The following STK39 variants were observed in gnomAD, a reference collection of about 807,000 sequenced individuals.
STK39 encodes the protein serine/threonine kinase 39, also known as STE20/SPS1-related proline-alanine-rich protein kinase.
STK39 carries 20 observed loss-of-function variants against 77.8 expected under a neutral mutation model. The ratio of observed to expected loss-of-function variants is 0.26; its 90% CI spans 0.18 to 0.37. The LOEUF (loss-of-function observed/expected upper bound fraction) is 0.37, where lower values mean the gene tolerates loss of function less well. Among genes scored for constraint, STK39 ranks in the 10% least tolerant of loss-of-function variants. STK39 has a pLI of 1.00. For missense variants in STK39, 479 were observed against 656.5 expected (o/e 0.73, Z 2.95); for synonymous variants, 246 against 234.1 (o/e 1.05, Z -0.47).
chr2:168,076,927 G>A (rs1686095136), intron 10 of STK39, among the ~76,000 whole-genome samples: 1 of 152,094 alleles, frequency 6.6e-6, no homozygotes, highest in Non-Finnish European at 1.5e-5. Flanking sequence ...AGAACAGATT[G>A]CTCATTTTAA....
intron 16 of STK39, among the ~76,000 whole-genome samples, chr2:167,998,473 T>C (rs910353772): frequency 2.0e-5 from 3 of 152,214 alleles, no homozygotes; most frequent in African/African-American, 7.2e-5. Flanking sequence ...AGTGCTACCT[T>C]AGCCCACACC....
chr2:168,227,946 C>T (rs76796467), intron 1 of STK39, among the ~76,000 whole-genome samples: 58,099 of 151,762 alleles, frequency 0.38, 11,996 homozygotes, highest in Non-Finnish European at 0.48. Flanking sequence ...CGTGAGCCAC[C>T]GCGCCTGGCC....
At position 168,063,549 on chromosome 2, in the gene STK39, C is replaced by A. The variant is rs201012106; in HGVS notation, c.1327G>T (p.Asp443Tyr). ...GCACAAGAAGAAGCTTCTCTGTAGT[C>A]TTCATTAGCATTGGGTGGGCCCTTT... is the stretch of plus-strand genomic sequence containing the variant. The part of the protein sequence containing the change: ...DSQGPPNANE[D>Y]YREASSCAVN... Residue 443 changes from aspartate (D) to tyrosine (Y), a missense_variant, in exon 14 of 18, where the codon GAC (aspartate) becomes TAC (tyrosine). Physicochemically the swap from Asp to Tyr is radical, Grantham distance 160. This residue lies in a region of STK39 where 244 missense variants were observed against 296.8 expected (regional missense o/e 0.82). Transcript: ENST00000355999. 1.3e-4 allele frequency: 217 copies of A among 1,612,982 alleles called. No individual in the cohort carries two copies. Among genetic ancestry groups the A allele is most frequent in the South Asian group, 8.5e-4 (77 of 90,904 alleles).
At chr2:168,237,856 T>G (rs1192390450) in intron 1 of STK39, among the ~76,000 whole-genome samples, 3 of 152,184 alleles carry the variant, frequency 2.0e-5, no homozygotes, top group Non-Finnish European at 4.4e-5. Context: ...AAACCAGCCA[T>G]GACCTGCCAT....
chr2:168,153,641 G>A (rs1027045616), intron 5 of STK39, among the ~76,000 whole-genome samples: 1 of 56,234 alleles, frequency 1.8e-5, no homozygotes, highest in Admixed American at 2.1e-4. Flanking sequence ...ATATGGGGTG[G>A]GGGGGGGTTA....
At chr2:168,242,013 T>G (rs1269541854) in intron 1 of STK39, among the ~76,000 whole-genome samples, 2 of 152,150 alleles carry the variant, frequency 1.3e-5, no homozygotes, top group Non-Finnish European at 2.9e-5. Flanking sequence ...CATCACAAAA[T>G]GTACTATACA....
chr2:168,204,107 G>A lies in STK39; in HGVS notation c.209-22017C>T, dbSNP rs546592219. On this transcript the variant is annotated intron_variant, in intron 1 of 17. Coordinates refer to ENST00000355999, the MANE Select transcript of STK39 (RefSeq NM_013233.3). The stretch of plus-strand genomic sequence containing the variant: ...TTGTGAAAGGCACCAGGTGCTAGCT[G>A]GCAAAGTAGAACAACTACAGGGATT... 2.6e-5 allele frequency among the ~76,000 whole-genome samples: 4 copies of A among 152,348 alleles called. No homozygotes were observed. The South Asian group carries it at 8.3e-4, about 32-fold the overall frequency.
At chr2:168,053,940 A>T (rs577521316) in intron 14 of STK39, among the ~76,000 whole-genome samples, 1 of 152,360 alleles carries the variant, frequency 6.6e-6, no homozygotes, top group African/African-American at 2.4e-5. Flanking sequence ...ATCTGTCAGC[A>T]GCAAATGTAG....
chr2:168,082,201 C>T (rs934276703), intron 10 of STK39, among the ~76,000 whole-genome samples: 8 of 152,168 alleles, frequency 5.3e-5, no homozygotes, highest in African/African-American at 1.9e-4. Flanking sequence ...CCAGGCCCTG[C>T]CTCCTCTACA....
intron 5 of STK39, among the ~76,000 whole-genome samples, chr2:168,153,890 C>A (rs967455490): frequency 6.6e-6 from 1 of 152,144 alleles, no homozygotes; most frequent in African/African-American, 2.4e-5. Context: ...GACTTTCACT[C>A]TGAAATGGCA....
chr2:168,180,653 C>G (rs918807456), intron 2 of STK39, among the ~76,000 whole-genome samples: 2 of 152,152 alleles, frequency 1.3e-5, no homozygotes, highest in African/African-American at 4.8e-5. Context: ...AGAAAGTGAC[C>G]TTGAAAACTG....
At chr2:168,055,218 T>C (rs1685493022) in intron 14 of STK39, among the ~76,000 whole-genome samples, 1 of 152,226 alleles carries the variant, frequency 6.6e-6, no homozygotes, top group South Asian at 2.1e-4. Context: ...CCCTATTTTA[T>C]AGGCTAGAGA....
intron 14 of STK39, among the ~76,000 whole-genome samples, chr2:168,043,956 T>C (rs1031779056): frequency 2.6e-5 from 4 of 152,230 alleles, no homozygotes; most frequent in African/African-American, 9.6e-5. Context: ...ATAATAGATG[T>C]AGGCATTATT....
intron 2 of STK39, among the ~76,000 whole-genome samples, chr2:168,168,455 T>C (rs1688741854): frequency 6.6e-6 from 1 of 152,124 alleles, no homozygotes; most frequent in Admixed American, 6.6e-5. Context: ...AGAAACCTCA[T>C]TTTTGCCATT....
intron 10 of STK39, among the ~76,000 whole-genome samples, chr2:168,080,160 G>T (rs1351598730): frequency 1.3e-5 from 2 of 152,150 alleles, no homozygotes; most frequent in East Asian, 3.9e-4. Context: ...AGGCATTTTG[G>T]CCCTACAGAT....
intron 5 of STK39, among the ~76,000 whole-genome samples, chr2:168,154,419 A>C (rs1688373149): frequency 6.6e-6 from 1 of 152,234 alleles, no homozygotes; most frequent in African/African-American, 2.4e-5. Flanking sequence ...CTGTGTCCTC[A>C]AGTGTACTAC....
At chr2:168,118,966 G>A (rs556171524) in intron 10 of STK39, among the ~76,000 whole-genome samples, 6 of 152,126 alleles carry the variant, frequency 3.9e-5, no homozygotes, top group African/African-American at 7.2e-5. Flanking sequence ...CTCTGTGAAC[G>A]CCTGTCCCTG....
At chr2:168,135,896 C>CT (rs1687820086) in intron 8 of STK39, among the ~76,000 whole-genome samples, 1 of 151,430 alleles carries the variant, frequency 6.6e-6, no homozygotes, top group Admixed American at 6.6e-5. Context: ...AAGATTAATA[C>CT]TTTGTACATC....
chr2:167,974,809 C>T (rs990529366), intron 16 of STK39, among the ~76,000 whole-genome samples: 1 of 152,148 alleles, frequency 6.6e-6, no homozygotes, highest in African/African-American at 2.4e-5. Flanking sequence ...CTCTTGAATA[C>T]AGGTTTCTAA....
Sources: allele counts gnomAD v4.1 joint callset (sites outside exome capture counted in the v4.1 genomes callset), GRCh38; gene constraint gnomAD v4.1.1; regional missense constraint gnomAD v4.1.1; transcripts MANE v1.5; gene names NCBI Gene and HGNC (gene_info 2026-07-23, HGNC 2026-07-21).